CD99: variants seen among roughly 807,000 people sequenced by gnomAD.
The protein encoded by CD99 is CD99 antigen.
A neutral mutation model predicts 28.4 loss-of-function variants in CD99; 19 were observed. That is an observed-to-expected ratio of 0.67 (90% CI 0.47 to 0.98). The LOEUF (loss-of-function observed/expected upper bound fraction) is 0.98. Ranked by LOEUF, CD99 falls within the 50% of genes least tolerant of loss-of-function variation. The pLI, the probability that CD99 is intolerant of heterozygous loss-of-function variation, is 0.00. For missense variants in CD99, 283 were observed against 248.8 expected, an observed-to-expected ratio of 1.14 and a Z score of -0.92; for synonymous variants, 103 against 92.1, an observed-to-expected ratio of 1.12 and a Z score of -0.67.
intron 1 of CD99, among the ~76,000 whole-genome samples, chrX:2,703,101 C>G (rs1246555681): frequency 6.6e-6 from 1 of 152,154 alleles, no homozygotes; most frequent in Non-Finnish European, 1.5e-5. Context: ...AATTGAGCTT[C>G]TCAATAGCAC....
Position 2,740,950 on chromosome X carries a change from T to C in CD99, c.*146T>C, listed in dbSNP as rs1401310502. 1 of 902,110 alleles carries C rather than the reference T, an allele frequency of 1.1e-6. No individual in the cohort carries two copies. Among genetic ancestry groups the C allele is most frequent in the Non-Finnish European group, 1.8e-6 (1 of 544,436 alleles). 55.9% of individuals were successfully genotyped at this position (902,110 alleles called of 1,614,324 possible). A position where few individuals can be genotyped will look rare whatever the true frequency, so the allele number is the denominator to read the frequency against. On this transcript the variant is annotated 3_prime_UTR_variant, in exon 10 of 10. Transcript: ENST00000381192. ...CTTTGTTTTAATCTTGCGATGTGCT[T>C]TGCTTGTTGCTGGGCGGATGATGTT...
intron 1 of CD99, among the ~76,000 whole-genome samples, chrX:2,693,484 T>C (rs2047429647): frequency 6.6e-6 from 1 of 152,160 alleles, no homozygotes; most frequent in African/African-American, 2.4e-5. Context: ...AGTCTGACCC[T>C]GCTAGAGATG....
intron 1 of CD99, among the ~76,000 whole-genome samples, chrX:2,697,815 G>A (rs953330256): frequency 3.9e-5 from 6 of 152,002 alleles, no homozygotes; most frequent in African/African-American, 1.5e-4. Flanking sequence ...GGCTGTCTTC[G>A]ATGAATTCAG....
intron 8 of CD99, among the ~76,000 whole-genome samples, chrX:2,736,884 TAAATAAA>T (rs113726696): frequency 0.06 from 9,102 of 150,892 alleles, 325 homozygotes; most frequent in Non-Finnish European, 0.083. Flanking sequence ...AATAAATAAA[TAAATAAA>T]TAAATAAATT....
chrX:2,697,187 T>G (rs746071890), intron 1 of CD99, among the ~76,000 whole-genome samples: 1 of 152,204 alleles, frequency 6.6e-6, no homozygotes, highest in East Asian at 1.9e-4. Context: ...AATATATGTT[T>G]GTCATTGTGG....
intron 1 of CD99, among the ~76,000 whole-genome samples, chrX:2,694,182 T>TG (rs2047463401): frequency 6.6e-6 from 1 of 152,058 alleles, no homozygotes; most frequent in Non-Finnish European, 1.5e-5. Flanking sequence ...CTGTGCGGTT[T>TG]GAAAAACTCC....
In CD99 at chrX:2,723,025, T is replaced by C. The variant is rs7886397; in HGVS notation, c.311-289T>C. 3.0e-3 allele frequency among the ~76,000 whole-genome samples: 458 copies of C among 152,358 alleles called. 1 individual carries two copies. The highest frequency in any genetic ancestry group is 0.011 in the African/African-American group (442 of 41,574). On this transcript the variant is annotated intron_variant, in intron 6 of 9. Coordinates refer to ENST00000381192, the MANE Select transcript of CD99 (RefSeq NM_002414.5). ...TTGTTTCAGCTTCATTTTATTAGGC[T>C]GTTTTCTGTAATTTAAGGAATGTGA...
chrX:2,714,504 A>G (rs368535294), intron 2 of CD99, 50 bp downstream of exon 2: 5 of 1,450,344 alleles, frequency 3.4e-6, no homozygotes, highest in East Asian at 2.3e-5. Context: ...TTATGTTAAC[A>G]TAGTATATAC....
At chrX:2,717,838 A>T in intron 3 of CD99, 186 bp downstream of exon 3, 2 of 611,100 alleles carry the variant, frequency 3.3e-6, no homozygotes, top group Non-Finnish European at 5.9e-6. Context: ...CCAGTAAAAG[A>T]ATGGTTGCTG....
chrX:2,708,913 T>A (rs769158013), intron 1 of CD99, among the ~76,000 whole-genome samples: 1 of 152,076 alleles, frequency 6.6e-6, no homozygotes, highest in South Asian at 2.1e-4. Context: ...GTAACTGGGT[T>A]TGTGTGGGGT....
intron 8 of CD99, among the ~76,000 whole-genome samples, chrX:2,732,926 CCTCCTTCCCTCT>C (rs1369716003): frequency 7.0e-6 from 1 of 142,826 alleles, no homozygotes; most frequent in Non-Finnish European, 1.5e-5. Flanking sequence ...TCCTTCCCTT[CCTCCTTCCCTCT>C]CTCCTTCCCT....
At chrX:2,735,870 G>C (rs903177130) in intron 8 of CD99, among the ~76,000 whole-genome samples, 2 of 152,122 alleles carry the variant, frequency 1.3e-5, no homozygotes, top group African/African-American at 4.8e-5. Context: ...AGTTCACGTA[G>C]CGTAAACTGG....
At chrX:2,717,702 C>A in intron 3 of CD99, 50 bp downstream of exon 3, 2 of 1,546,038 alleles carry the variant, frequency 1.3e-6, no homozygotes, top group Middle Eastern at 1.7e-4. Flanking sequence ...AAATCATTTT[C>A]TCGGACAGCA....
At chrX:2,708,760 G>A (rs1276545811) in intron 1 of CD99, among the ~76,000 whole-genome samples, 7 of 152,146 alleles carry the variant, frequency 4.6e-5, no homozygotes, top group Non-Finnish European at 7.3e-5. Context: ...TTGGACCTCC[G>A]TCGGCTGAGC....
chrX:2,736,831 TG>T (rs1396308962), intron 8 of CD99, among the ~76,000 whole-genome samples: 1 of 151,778 alleles, frequency 6.6e-6, no homozygotes, highest in Non-Finnish European at 1.5e-5. Flanking sequence ...CACTCCAGCC[TG>T]GGCGACAGAG....
intron 1 of CD99, among the ~76,000 whole-genome samples, chrX:2,695,637 CTT>C (rs773294263): frequency 1.4e-5 from 2 of 141,472 alleles, no homozygotes; most frequent in African/African-American, 2.6e-5. Flanking sequence ...AAAAAAAAGT[CTT>C]TTTTTTTTTT....
intron 1 of CD99, among the ~76,000 whole-genome samples, chrX:2,695,261 A>G (rs1314954845): frequency 1.3e-5 from 2 of 151,982 alleles, no homozygotes; most frequent in Admixed American, 1.3e-4. Context: ...GCTGGAGTGA[A>G]GTGGCACGAT....
intron 1 of CD99, among the ~76,000 whole-genome samples, chrX:2,711,511 G>A (rs1269075093): frequency 6.6e-6 from 1 of 151,700 alleles, no homozygotes; most frequent in East Asian, 1.9e-4. Flanking sequence ...CCCCTCCCAT[G>A]TTTATTGCAG....
chrX:2,709,193 AC>A (rs1161880640), intron 1 of CD99, among the ~76,000 whole-genome samples: 1 of 152,162 alleles, frequency 6.6e-6, no homozygotes, highest in African/African-American at 2.4e-5. Flanking sequence ...GCACACATAC[AC>A]AGGCACATAC....
Sources: allele counts gnomAD v4.1 joint callset (sites outside exome capture counted in the v4.1 genomes callset), GRCh38; gene constraint gnomAD v4.1.1; transcripts MANE v1.5; gene names NCBI Gene and HGNC (gene_info 2026-07-23, HGNC 2026-07-21).